EPHA5: variants seen among roughly 807,000 people sequenced by gnomAD.
The protein encoded by EPHA5 is EPH receptor A5.
EPHA5 carries 60 observed loss-of-function variants against 105.0 expected under a neutral mutation model. The ratio of observed to expected loss-of-function variants is 0.57; its 90% confidence interval spans 0.46 to 0.71. EPHA5 has a LOEUF of 0.71. EPHA5 is among the 30% of genes least tolerant of loss of function. The pLI, the probability that EPHA5 is intolerant of heterozygous loss-of-function variation, is 0.00. For synonymous variants in EPHA5, 513 were observed against 449.1 expected (o/e 1.14, Z -1.80); for missense variants, 1,218 against 1,274.7 (o/e 0.96, Z 0.68).
intron 2 of EPHA5, among the ~76,000 whole-genome samples, chr4:65,622,581 C>T (rs1001022345): frequency 2.2e-4 from 34 of 151,984 alleles, no homozygotes; most frequent in Admixed American, 2.6e-4. Context: ...CAAATTTGTT[C>T]AATTTAATGG....
chr4:65,347,583 T>C (rs1722340699), intron 14 of EPHA5, among the ~76,000 whole-genome samples: 1 of 152,184 alleles, frequency 6.6e-6, no homozygotes, highest in South Asian at 2.1e-4. Context: ...AAATAAACAA[T>C]ACAACTCTTC....
chr4:65,405,031 C>A (rs1191875097), intron 7 of EPHA5, among the ~76,000 whole-genome samples: 1 of 151,866 alleles, frequency 6.6e-6, no homozygotes, highest in East Asian at 1.9e-4. Flanking sequence ...ATGTAAAGCA[C>A]AATATATTTC....
At chr4:65,450,787 CTAATCCCAGAACAAAG>C (rs1726987904) in intron 5 of EPHA5, among the ~76,000 whole-genome samples, 1 of 152,142 alleles carries the variant, frequency 6.6e-6, no homozygotes, top group Admixed American at 6.5e-5. Context: ...TGTTCACAAT[CTAATCCCAGAACAAAG>C]TATAATATCC....
chr4:65,653,165 G>A (rs926656913), intron 1 of EPHA5, among the ~76,000 whole-genome samples: 9 of 151,914 alleles, frequency 5.9e-5, no homozygotes, highest in African/African-American at 2.2e-4. Context: ...GGATAAATGA[G>A]GATTACAGGA....
At chr4:65,384,905 G>T (rs1719931257) in intron 8 of EPHA5, among the ~76,000 whole-genome samples, 1 of 151,226 alleles carries the variant, frequency 6.6e-6, no homozygotes, top group African/African-American at 2.4e-5. Context: ...ATTTCTAGGA[G>T]CCTAAATTTG....
chr4:65,652,530 GCATATAGCTGAAAT>G (rs1445828531), intron 1 of EPHA5, among the ~76,000 whole-genome samples: 11 of 152,200 alleles, frequency 7.2e-5, no homozygotes, highest in African/African-American at 2.6e-4. Flanking sequence ...GAGCTAATAA[GCATATAGCTGAAAT>G]CTAAATCCAA....
chr4:65,527,353 G>A (rs79925108), intron 3 of EPHA5, among the ~76,000 whole-genome samples: 1 of 152,008 alleles, frequency 6.6e-6, no homozygotes, highest in Non-Finnish European at 1.5e-5. Context: ...CAAGTTATAC[G>A]TGAAATATTT....
At chr4:65,390,998 T>C (rs1720663562) in intron 8 of EPHA5, among the ~76,000 whole-genome samples, 2 of 152,030 alleles carry the variant, frequency 1.3e-5, no homozygotes, top group Non-Finnish European at 2.9e-5. Context: ...CTTACAATCC[T>C]GAATCATTGT....
At chr4:65,423,107 C>T (rs562914834) in intron 5 of EPHA5, among the ~76,000 whole-genome samples, 1 of 151,988 alleles carries the variant, frequency 6.6e-6, no homozygotes, top group African/African-American at 2.4e-5. Flanking sequence ...ATGACCTTGA[C>T]ACTTTTGGAG....
At chr4:65,494,558 C>T (rs2149222805) in intron 4 of EPHA5, among the ~76,000 whole-genome samples, 1 of 152,264 alleles carries the variant, frequency 6.6e-6, no homozygotes, top group Non-Finnish European at 1.5e-5. Context: ...AACAAATGCA[C>T]AAATGTGTTA....
intron 3 of EPHA5, among the ~76,000 whole-genome samples, chr4:65,584,430 G>A (rs1299540981): frequency 6.6e-6 from 1 of 151,678 alleles, no homozygotes; most frequent in African/African-American, 2.4e-5. Flanking sequence ...CGAACTTGAC[G>A]ATAAAGCCCT....
intron 3 of EPHA5, among the ~76,000 whole-genome samples, chr4:65,569,648 T>C (rs2149372460): frequency 6.6e-6 from 1 of 151,808 alleles, no homozygotes; most frequent in Non-Finnish European, 1.5e-5. Context: ...TTAGAATATA[T>C]TTTCACACAT....
intron 2 of EPHA5, among the ~76,000 whole-genome samples, chr4:65,637,563 G>A (rs1054818241): frequency 4.9e-4 from 34 of 68,830 alleles, no homozygotes; most frequent in Non-Finnish European, 9.2e-4. Flanking sequence ...ACAAATATGA[G>A]TTTTGCATAT....
intron 14 of EPHA5, among the ~76,000 whole-genome samples, chr4:65,341,419 A>G (rs1042543232): frequency 1.3e-5 from 2 of 151,922 alleles, no homozygotes; most frequent in African/African-American, 2.4e-5. Flanking sequence ...TCATCGCTAC[A>G]CTTCAACACA....
intron 3 of EPHA5, among the ~76,000 whole-genome samples, chr4:65,579,116 T>G (rs6846310): frequency 0.87 from 131,550 of 151,434 alleles, 57,420 homozygotes; most frequent in Non-Finnish European, 0.91. Flanking sequence ...ACTTTCTTTA[T>G]ATTTTGTAAA....
intron 3 of EPHA5, among the ~76,000 whole-genome samples, chr4:65,556,572 T>C (rs888215928): frequency 7.9e-5 from 12 of 152,170 alleles, no homozygotes; most frequent in African/African-American, 2.9e-4. Flanking sequence ...TCCAATGGGA[T>C]CAGGTTCACA....
chr4:65,535,138 A>T (rs929749977), intron 3 of EPHA5, among the ~76,000 whole-genome samples: 5 of 152,180 alleles, frequency 3.3e-5, no homozygotes, highest in African/African-American at 4.8e-5. Flanking sequence ...ATGTGAACTA[A>T]AATCAAATAA....
chr4:65,661,589 T>C (rs914155740), intron 1 of EPHA5, among the ~76,000 whole-genome samples: 1 of 152,164 alleles, frequency 6.6e-6, no homozygotes, highest in Non-Finnish European at 1.5e-5. Context: ...CAGTGCATTG[T>C]CATCTTCCAT....
At chr4:65,479,662 A>T (rs1730162969) in intron 5 of EPHA5, among the ~76,000 whole-genome samples, 1 of 152,194 alleles carries the variant, frequency 6.6e-6, no homozygotes, top group African/African-American at 2.4e-5. Context: ...CAAATTAGGC[A>T]GTAAGAGAAC....
Sources: gnomAD v4.1 joint callset for allele counts (sites outside exome capture counted in the v4.1 genomes callset) on GRCh38, gnomAD v4.1.1 for gene constraint, MANE v1.5 for transcripts, NCBI Gene and HGNC (gene_info 2026-07-23, HGNC 2026-07-21) for gene names.